Variants in STIM2 observed in about 807,000 individuals in gnomAD.
STIM2 encodes the protein stromal interaction molecule 2.
Under a neutral mutation model 85.8 loss-of-function variants are expected in STIM2, and 31 were observed. That is an observed-to-expected ratio of 0.36 (90% confidence interval 0.27 to 0.49). STIM2 has a LOEUF of 0.49. STIM2 is among the 20% of genes least tolerant of loss of function. The probability of loss-of-function intolerance (pLI) is 0.98; values close to 1 mark genes in which losing one functional copy is unlikely to be tolerated. For missense variants in STIM2, 841 were observed against 927.6 expected, an observed-to-expected ratio of 0.91 and a Z score of 1.21; for synonymous variants, 356 against 331.1, an observed-to-expected ratio of 1.08 and a Z score of -0.82.
chr4:26,904,501 C>T (rs186066422), intron 1 of STIM2, among the ~76,000 whole-genome samples: 18 of 152,200 alleles, frequency 1.2e-4, no homozygotes, highest in Non-Finnish European at 2.1e-4. Flanking sequence ...AAATGATCAG[C>T]TGTGGCAAAT....
At chr4:26,946,577 C>T (rs935372963) in intron 2 of STIM2, among the ~76,000 whole-genome samples, 16 of 152,232 alleles carry the variant, frequency 1.1e-4, no homozygotes, top group African/African-American at 3.4e-4. Flanking sequence ...CGCACGCATG[C>T]GTGCACACAT....
At position 27,023,012 on chromosome 4, in the gene STIM2, G is replaced by A; in HGVS notation, c.*16G>A. 6.3e-7 allele frequency: 1 copy of A among 1,598,628 alleles called. No homozygotes were observed. Among genetic ancestry groups the A allele is most frequent in the Non-Finnish European group, 8.5e-7 (1 of 1,174,084 alleles). ...ATCTAAGTGAACTGGCTGACTTGAT[G>A]GAATCATGTTCAAGTGGCATCTGTA... On this transcript the variant is annotated 3_prime_UTR_variant, in exon 12 of 12. Coordinates refer to ENST00000467087, the MANE Select transcript of STIM2 (RefSeq NM_020860.4).
chr4:26,992,524 T>C (rs1727803008), intron 3 of STIM2, among the ~76,000 whole-genome samples: 1 of 151,734 alleles, frequency 6.6e-6, no homozygotes, highest in South Asian at 2.1e-4. Flanking sequence ...CAAGACCCTA[T>C]CTCTACAAAA....
chr4:26,928,559 G>A (rs1411797862), intron 2 of STIM2, among the ~76,000 whole-genome samples: 2 of 151,972 alleles, frequency 1.3e-5, no homozygotes, highest in East Asian at 1.9e-4. Context: ...CTTTTATAGA[G>A]ATGAGAGTCT....
At chr4:27,008,082 C>T in intron 8 of STIM2, 1 of 688,744 alleles carries the variant, frequency 1.5e-6, no homozygotes, top group East Asian at 2.7e-5. Flanking sequence ...GAATTCTAGC[C>T]AAAAAATTTA....
At chr4:26,901,394 T>C (rs1723915483) in intron 1 of STIM2, among the ~76,000 whole-genome samples, 1 of 152,210 alleles carries the variant, frequency 6.6e-6, no homozygotes, top group South Asian at 2.1e-4. Context: ...CATTATACTT[T>C]TATTGACTTA....
At chr4:26,953,701 G>A (rs1726138204) in intron 2 of STIM2, among the ~76,000 whole-genome samples, 2 of 152,182 alleles carry the variant, frequency 1.3e-5, no homozygotes, top group Non-Finnish European at 2.9e-5. Flanking sequence ...CTGGTGCTAT[G>A]TCTTTCCCTG....
chr4:26,861,902 T>A (rs916757728), intron 1 of STIM2, among the ~76,000 whole-genome samples: 1 of 152,066 alleles, frequency 6.6e-6, no homozygotes, highest in African/African-American at 2.4e-5. Flanking sequence ...AGTGGTTCCG[T>A]GTTAGTATGC....
chr4:26,872,139 T>A (rs1431838658), intron 1 of STIM2, among the ~76,000 whole-genome samples: 2 of 152,192 alleles, frequency 1.3e-5, no homozygotes, highest in African/African-American at 2.4e-5. Flanking sequence ...TTTGATTTAT[T>A]GAGTGTTATT....
intron 7 of STIM2, among the ~76,000 whole-genome samples, chr4:27,003,601 G>A (rs1289092287): frequency 6.6e-6 from 1 of 152,060 alleles, no homozygotes; most frequent in Non-Finnish European, 1.5e-5. Flanking sequence ...GGCATTGCAC[G>A]GAGTCCTTTG....
chr4:26,889,114 G>T (rs1237849576), intron 1 of STIM2, among the ~76,000 whole-genome samples: 1 of 152,178 alleles, frequency 6.6e-6, no homozygotes, highest in African/African-American at 2.4e-5. Flanking sequence ...AAACAATAGG[G>T]ATAATAGTGA....
chr4:26,893,586 T>A (rs752709990), intron 1 of STIM2, among the ~76,000 whole-genome samples: 14 of 152,210 alleles, frequency 9.2e-5, no homozygotes, highest in South Asian at 2.1e-4. Context: ...TTTGACCTTT[T>A]ATGAACAGTA....
At chr4:26,863,481 T>C (rs1319900447) in intron 1 of STIM2, among the ~76,000 whole-genome samples, 1 of 152,102 alleles carries the variant, frequency 6.6e-6, no homozygotes, top group East Asian at 1.9e-4. Context: ...AGTTAGAAAA[T>C]ATTGAAAATT....
chr4:26,934,367 G>A (rs1185634471), intron 2 of STIM2, among the ~76,000 whole-genome samples: 1 of 152,148 alleles, frequency 6.6e-6, no homozygotes, highest in African/African-American at 2.4e-5. Flanking sequence ...GTAAAGCAAT[G>A]TCATATTATA....
chr4:26,928,411 A>G (rs914498291), intron 2 of STIM2, among the ~76,000 whole-genome samples: 3 of 152,260 alleles, frequency 2.0e-5, no homozygotes, highest in Admixed American at 1.3e-4. Context: ...ATATATACAC[A>G]GAGAAAGTAT....
chr4:26,933,932 G>T (rs554775576), intron 2 of STIM2, among the ~76,000 whole-genome samples: 2 of 152,020 alleles, frequency 1.3e-5, no homozygotes, highest in South Asian at 4.1e-4. Context: ...ATTGGCTCAC[G>T]CCTGTAATCC....
intron 3 of STIM2, among the ~76,000 whole-genome samples, chr4:26,966,800 A>G (rs979007792): frequency 1.3e-5 from 2 of 152,166 alleles, no homozygotes; most frequent in Non-Finnish European, 2.9e-5. Context: ...TTTATATCTT[A>G]TAATTAAAAA....
chr4:26,954,465 A>T (rs1726173094), intron 2 of STIM2, among the ~76,000 whole-genome samples: 1 of 148,302 alleles, frequency 6.7e-6, no homozygotes, highest in South Asian at 2.1e-4. Flanking sequence ...TGAATTTCAG[A>T]TCCTATTTTC....
intron 2 of STIM2, among the ~76,000 whole-genome samples, chr4:26,940,007 A>G (rs1725542138): frequency 6.6e-6 from 1 of 152,218 alleles, no homozygotes; most frequent in Non-Finnish European, 1.5e-5. Flanking sequence ...AGCATCAAAC[A>G]AAGCTCTGCG....
Sources: allele counts gnomAD v4.1 joint callset (sites outside exome capture counted in the v4.1 genomes callset), GRCh38; gene constraint gnomAD v4.1.1; transcripts MANE v1.5; gene names NCBI Gene and HGNC (gene_info 2026-07-23, HGNC 2026-07-21).